MYO18B: variants seen among roughly 807,000 people sequenced by gnomAD.
MYO18B encodes the protein myosin XVIIIB, also known as unconventional myosin-XVIIIb.
Under a neutral mutation model 273.0 loss-of-function variants are expected in MYO18B, and 204 were observed. That is an observed-to-expected ratio of 0.75 (90% CI 0.67 to 0.84). The LOEUF (loss-of-function observed/expected upper bound fraction) is 0.84. MYO18B is among the 40% of genes least tolerant of loss of function. The pLI is 0.00. For synonymous variants in MYO18B, 1,330 were observed against 1,305.7 expected (o/e 1.02, Z -0.40); for missense variants, 3,212 against 3,287.6 (o/e 0.98, Z 0.56).
intron 11 of MYO18B, among the ~76,000 whole-genome samples, chr22:25,793,383 T>A (rs1367454964): frequency 6.6e-6 from 1 of 152,102 alleles, no homozygotes; most frequent in Non-Finnish European, 1.5e-5. Flanking sequence ...TACAAGGACA[T>A]ATCACCATGC....
the MYO18B span, among the ~76,000 whole-genome samples, chr22:26,059,779 C>T: frequency 2.6e-4 from 40 of 152,300 alleles, no homozygotes; most frequent in South Asian, 5.2e-3. Context: ...TGGTTAATTA[C>T]GTACAATTCA....
chr22:25,823,328 C>T (rs1013663611), intron 12 of MYO18B, among the ~76,000 whole-genome samples, 177 bp from the exon 13 acceptor site: 11 of 152,184 alleles, frequency 7.2e-5, no homozygotes, highest in Admixed American at 1.3e-4. Flanking sequence ...TTGGGAAATC[C>T]GACTCCTCCA....
chr22:25,865,840 C>T (rs1318933750), intron 21 of MYO18B, among the ~76,000 whole-genome samples: 2 of 152,082 alleles, frequency 1.3e-5, no homozygotes, highest in Non-Finnish European at 2.9e-5. Context: ...ATCTTATCTT[C>T]AGTCAATTTT....
intron 42 of MYO18B, among the ~76,000 whole-genome samples, chr22:26,020,953 G>A (rs1270332896): frequency 6.6e-6 from 1 of 152,194 alleles, no homozygotes; most frequent in Non-Finnish European, 1.5e-5. Context: ...GCCTGGCATG[G>A]TGGTGTGCAC....
At chr22:26,054,780 C>T in the MYO18B span, among the ~76,000 whole-genome samples, 3 of 152,236 alleles carry the variant, frequency 2.0e-5, no homozygotes, top group South Asian at 2.1e-4. Context: ...GCACCAATGT[C>T]GATGGGACTT....
intron 39 of MYO18B, among the ~76,000 whole-genome samples, chr22:25,955,594 G>A (rs2092841446): frequency 6.6e-6 from 1 of 152,172 alleles, no homozygotes; most frequent in Admixed American, 6.5e-5. Context: ...CACTGCTGCC[G>A]GATGGCTGCC....
intron 39 of MYO18B, among the ~76,000 whole-genome samples, chr22:25,990,204 A>G (rs1023574593): frequency 6.6e-6 from 1 of 152,184 alleles, no homozygotes; most frequent in African/African-American, 2.4e-5. Context: ...GGGCAAGCCA[A>G]TGTGCAGAGA....
intron 17 of MYO18B, among the ~76,000 whole-genome samples, chr22:25,841,295 C>T (rs1186422301): frequency 1.3e-5 from 2 of 152,228 alleles, no homozygotes; most frequent in Non-Finnish European, 1.5e-5. Flanking sequence ...GATAAGGCTC[C>T]ATCTTCCAGA....
intron 39 of MYO18B, chr22:25,964,023 T>C (rs2092949074): frequency 6.6e-6 from 1 of 152,220 alleles, no homozygotes; most frequent in Admixed American, 6.5e-5. Context: ...GTATGGTGGG[T>C]ACTGGGTTAA....
At chr22:26,025,132 G>C (rs889151388) in intron 42 of MYO18B, among the ~76,000 whole-genome samples, 1 of 152,058 alleles carries the variant, frequency 6.6e-6, no homozygotes. Flanking sequence ...ATTAATTTTC[G>C]GGGGAGACAA....
At chr22:25,840,196 C>T (rs77131164) in intron 17 of MYO18B, among the ~76,000 whole-genome samples, 1,825 of 152,266 alleles carry the variant, frequency 0.012, 42 homozygotes, top group African/African-American at 0.042. Flanking sequence ...TTCACTGTCT[C>T]CCCAGGGCCC....
the MYO18B span, among the ~76,000 whole-genome samples, chr22:26,052,969 A>AT: frequency 5.1e-4 from 74 of 145,842 alleles, no homozygotes; most frequent in Admixed American, 7.5e-4. Flanking sequence ...CGCCCAGCTA[A>AT]TTTTTTTTTT....
intron 33 of MYO18B, among the ~76,000 whole-genome samples, chr22:25,915,267 T>C (rs1441421011): frequency 6.6e-6 from 1 of 152,208 alleles, no homozygotes; most frequent in Non-Finnish European, 1.5e-5. Flanking sequence ...TTCTGAGAGA[T>C]GCATCATTAG....
intron 39 of MYO18B, among the ~76,000 whole-genome samples, chr22:25,957,280 C>CCTGTTTTCT (rs1197796820): frequency 2.6e-5 from 4 of 152,194 alleles, no homozygotes; most frequent in Non-Finnish European, 5.9e-5. Context: ...TCTCTCCTTC[C>CCTGTTTTCT]CTCTTTTCTC....
chr22:25,917,670 T>A (rs1431348413), intron 33 of MYO18B, among the ~76,000 whole-genome samples: 1 of 152,044 alleles, frequency 6.6e-6, no homozygotes, highest in African/African-American at 2.4e-5. Context: ...TTTAATTTAT[T>A]TACATTTGTT....
the MYO18B span, among the ~76,000 whole-genome samples, chr22:26,040,692 G>A: frequency 6.6e-6 from 1 of 152,188 alleles, no homozygotes; most frequent in African/African-American, 2.4e-5. Context: ...TGAACTTGGG[G>A]AAGAGCATTC....
At chr22:25,942,187 A>G (rs2092651977) in intron 34 of MYO18B, among the ~76,000 whole-genome samples, 1 of 152,230 alleles carries the variant, frequency 6.6e-6, no homozygotes, top group South Asian at 2.1e-4. Context: ...AGACTGCCTC[A>G]GGTCTGGCTC....
intron 12 of MYO18B, among the ~76,000 whole-genome samples, chr22:25,802,575 T>G (rs2088252270): frequency 6.6e-6 from 1 of 151,236 alleles, no homozygotes; most frequent in Non-Finnish European, 1.5e-5. Context: ...ACAGGAAACC[T>G]CATCTCTACT....
chr22:25,748,042 T>C (rs2085833370), intron 1 of MYO18B, among the ~76,000 whole-genome samples: 1 of 152,196 alleles, frequency 6.6e-6, no homozygotes, highest in Non-Finnish European at 1.5e-5. Context: ...TGTCCACTTC[T>C]GCGGCAGAAG....
Sources: gnomAD v4.1 joint callset for allele counts (sites outside exome capture counted in the v4.1 genomes callset) on GRCh38, gnomAD v4.1.1 for gene constraint, MANE v1.5 for transcripts, NCBI Gene and HGNC (gene_info 2026-07-23, HGNC 2026-07-21) for gene names.